Variants in LAMA1 observed in about 807,000 individuals in gnomAD.
LAMA1 encodes laminin subunit alpha-1.
Under a neutral mutation model 348.7 loss-of-function variants are expected in LAMA1, and 219 were observed. The observed-to-expected ratio is 0.63, with a 90% CI of 0.56 to 0.70. The LOEUF is 0.70. Ranked by LOEUF, LAMA1 falls within the 30% of genes least tolerant of loss-of-function variation. The pLI is 0.00. For missense variants in LAMA1, 3,744 were observed against 3,888.0 expected (o/e 0.96, Z 0.99); for synonymous variants, 1,487 against 1,491.0 (o/e 1.00, Z 0.06).
intron 61 of LAMA1, among the ~76,000 whole-genome samples, chr18:6,943,756 T>C (rs1600336344): frequency 7.0e-6 from 1 of 141,932 alleles, no homozygotes; most frequent in East Asian, 2.2e-4. Context: ...GGCAGGAAAA[T>C]CGCTTAAACC....
intron 1 of LAMA1, among the ~76,000 whole-genome samples, chr18:7,103,995 T>C (rs181213613): frequency 2.0e-4 from 30 of 152,220 alleles, no homozygotes; most frequent in Non-Finnish European, 1.3e-4. Context: ...TTTGTTTTTG[T>C]TTTGAGATGG....
At chr18:7,104,925 A>G (rs1465222379) in intron 1 of LAMA1, among the ~76,000 whole-genome samples, 1 of 152,172 alleles carries the variant, frequency 6.6e-6, no homozygotes, top group Non-Finnish European at 1.5e-5. Flanking sequence ...ATACCTCCCC[A>G]AGTGCCTGTA....
chr18:7,044,523 CAT>C lies in LAMA1; in HGVS notation c.976+197_976+198del, dbSNP rs574775060. On this transcript the variant is annotated intron_variant, in intron 7 of 62. Coordinates refer to ENST00000389658, the MANE Select transcript of LAMA1 (RefSeq NM_005559.4). Reference sequence around the variant, plus strand: ...AATAGACTATACGGGAAGGGGGACTCATAGATAAAACAGCAAACCCATAAAGA... The same window carrying C: ...AATAGACTATACGGGAAGGGGGACTCAGATAAAACAGCAAACCCATAAAGA... 2.5e-3 allele frequency among the ~76,000 whole-genome samples: 379 copies of C among 152,166 alleles called. 3 individuals carry two copies. Among genetic ancestry groups the C allele is most frequent in the Non-Finnish European group, 3.7e-3 (255 of 68,006 alleles).
chr18:6,959,948 T>C (rs2144004023), intron 53 of LAMA1: 1 of 253,368 alleles, frequency 3.9e-6, no homozygotes, highest in Non-Finnish European at 7.8e-6. Flanking sequence ...TTAATTTTTT[T>C]TCGACACATT....
Position 7,079,461 on chromosome 18 carries a change from T to C in LAMA1, c.345+514A>G, listed in dbSNP as rs1031941973. On this transcript the variant is annotated intron_variant, in intron 3 of 62. Transcript: ENST00000389658. Reference sequence around the variant, plus strand: ...CTCATGCTGAAGGCACTGCTTAAGTTACTATTGGGCAACTCCAGCTTACCT... The same window carrying C: ...CTCATGCTGAAGGCACTGCTTAAGTCACTATTGGGCAACTCCAGCTTACCT... 4.3e-5 allele frequency: 8 copies of C among 185,652 alleles called. No individual in the cohort carries two copies. The East Asian group carries it at 1.1e-3, about 25-fold the overall frequency. 11.5% of individuals were successfully genotyped at this position (185,652 alleles called of 1,614,324 possible). A position where few individuals can be genotyped will look rare whatever the true frequency, so the allele number is the denominator to read the frequency against.
chr18:7,061,533 T>G (rs2058101859), intron 3 of LAMA1, among the ~76,000 whole-genome samples: 1 of 152,218 alleles, frequency 6.6e-6, no homozygotes. Context: ...ACGATTCCCT[T>G]GGCCGTTAAC....
At chr18:7,067,844 G>A (rs2058129277) in intron 3 of LAMA1, among the ~76,000 whole-genome samples, 1 of 149,746 alleles carries the variant, frequency 6.7e-6, no homozygotes, top group Non-Finnish European at 1.5e-5. Flanking sequence ...TTCCTCCGGT[G>A]GGTCCTTTTC....
chr18:7,100,309 T>C (rs554867040), intron 1 of LAMA1, among the ~76,000 whole-genome samples: 6 of 152,268 alleles, frequency 3.9e-5, no homozygotes, highest in Admixed American at 1.3e-4. Flanking sequence ...TACCATGAGA[T>C]ACCACTTTGA....
chr18:6,983,332 C>A, intron 39 of LAMA1, 98 bp from the exon 40 acceptor site: 1 of 1,235,356 alleles, frequency 8.1e-7, no homozygotes, highest in Non-Finnish European at 1.2e-6. Flanking sequence ...TTGAAAGCCT[C>A]CTATCTTCTT....
At chr18:6,953,775 C>A (rs2057561296) in intron 57 of LAMA1, 1 of 152,314 alleles carries the variant, frequency 6.6e-6, no homozygotes, top group Non-Finnish European at 1.5e-5. Context: ...CAATAGTTTG[C>A]TGCTCTTGCT....
At chr18:7,036,345 A>G (rs1398404778) in intron 12 of LAMA1, among the ~76,000 whole-genome samples, 1 of 152,268 alleles carries the variant, frequency 6.6e-6, no homozygotes, top group Non-Finnish European at 1.5e-5. Context: ...GTTAGAGACC[A>G]CAAGGCAAAT....
chr18:7,057,840 G>A (rs1043407330), intron 3 of LAMA1, among the ~76,000 whole-genome samples: 2 of 150,420 alleles, frequency 1.3e-5, no homozygotes, highest in African/African-American at 4.9e-5. Context: ...TGTTGCCCAG[G>A]TTGGAGTGCA....
In LAMA1 at chr18:7,035,981, A is replaced by G. The variant is rs760573270; in HGVS notation, c.1839+6T>C. ...TCTATAGCAGAATCAAAGCAAAAAC[A>G]ATCACCTTAATGATGACGTCAGCAT... On this transcript the variant is annotated splice_donor_region_variant and intron_variant, in intron 13 of 62. Coordinates refer to ENST00000389658, the MANE Select transcript of LAMA1 (RefSeq NM_005559.4). 6.2e-7 allele frequency: 1 copy of G among 1,610,878 alleles called. No homozygotes were observed. Among genetic ancestry groups the G allele is most frequent in the African/African-American group, 1.3e-5 (1 of 74,986 alleles).
chr18:6,976,051 ATC>A lies in LAMA1; in HGVS notation c.6373_6374del (p.Asp2125LeufsTer22). 6.2e-7 allele frequency: 1 copy of A among 1,614,120 alleles called. No homozygotes were observed. The highest frequency in any genetic ancestry group is 8.5e-7 in the Non-Finnish European group (1 of 1,180,010). On this transcript the variant is annotated frameshift_variant, in exon 45 of 63. Transcript: ENST00000389658. LOFTEE classifies it high-confidence loss of function. ...TCTGAGGCTGGTAGGCCCGGATGCA[ATC>A]TCTGTCTGCAGACACGGCGACTTTA... ...SIKVAVSADRDCIRAYQPQIS... is the reference protein window; with the variant it reads ...SIKVAVSADRXCIRAYQPQIS...
chr18:7,044,628 T>A (rs2058034453), intron 7 of LAMA1, 94 bp downstream of exon 7: 2 of 985,794 alleles, frequency 2.0e-6, no homozygotes, highest in South Asian at 2.6e-5. Flanking sequence ...AGAAAACAAG[T>A]TACCTGCTAA....
intron 3 of LAMA1, among the ~76,000 whole-genome samples, chr18:7,062,496 G>T (rs1297857347): frequency 2.6e-5 from 4 of 152,110 alleles, no homozygotes; most frequent in Non-Finnish European, 5.9e-5. Context: ...ACCATCCCAG[G>T]GACTGAAACC....
chr18:6,989,132 T>C (rs1431959623), intron 36 of LAMA1, among the ~76,000 whole-genome samples: 1 of 152,216 alleles, frequency 6.6e-6, no homozygotes, highest in African/African-American at 2.4e-5. Flanking sequence ...ACAAAATCCC[T>C]GGATACTGCA....
chr18:7,021,252 C>T (rs2144136532), intron 19 of LAMA1, among the ~76,000 whole-genome samples: 1 of 152,270 alleles, frequency 6.6e-6, no homozygotes, highest in Non-Finnish European at 1.5e-5. Context: ...GTGCAACCCC[C>T]GACAGTCATT....
At chr18:6,955,877 A>G in intron 56 of LAMA1, 1 of 353,334 alleles carries the variant, frequency 2.8e-6, no homozygotes, top group Non-Finnish European at 5.6e-6. Flanking sequence ...AGGTGCCCAC[A>G]GGTGACATGT....
Sources: allele counts gnomAD v4.1 joint callset (sites outside exome capture counted in the v4.1 genomes callset), GRCh38; gene constraint gnomAD v4.1.1; transcripts MANE v1.5; gene names NCBI Gene and HGNC (gene_info 2026-07-23, HGNC 2026-07-21).